The following FAT3 variants were observed in gnomAD, a reference collection of about 807,000 sequenced individuals.
The protein encoded by FAT3 is protocadherin Fat 3.
Under a neutral mutation model 310.2 loss-of-function variants are expected in FAT3, and 95 were observed. The observed-to-expected ratio is 0.31, with a 90% CI of 0.26 to 0.36. The LOEUF (loss-of-function observed/expected upper bound fraction) is 0.36, where lower values mean the gene tolerates loss of function less well. Among genes scored for constraint, FAT3 ranks in the 10% least tolerant of loss-of-function variants. The pLI is 1.00. For missense variants in FAT3, 5,408 were observed against 5,715.6 expected, an observed-to-expected ratio of 0.95 and a Z score of 1.74; for synonymous variants, 2,314 against 2,192.9, an observed-to-expected ratio of 1.06 and a Z score of -1.54.
chr11:92,500,718 G>T (rs1157672621), intron 2 of FAT3, among the ~76,000 whole-genome samples: 2 of 151,988 alleles, frequency 1.3e-5, no homozygotes, highest in African/African-American at 4.8e-5. Context: ...GCAGCAGAAT[G>T]TACAATCCTA....
At chr11:92,809,700 C>T in intron 12 of FAT3, 143 bp from the exon 13 acceptor site, 1 of 634,702 alleles carries the variant, frequency 1.6e-6, no homozygotes, top group South Asian at 2.2e-5. Context: ...GAATTTGCTA[C>T]ATTTTTAAAG....
At chr11:92,503,224 A>C (rs16917633) in intron 2 of FAT3, among the ~76,000 whole-genome samples, 6,547 of 152,242 alleles carry the variant, frequency 0.043, 169 homozygotes, top group East Asian at 0.084. Context: ...GATTTTGGAA[A>C]ATAATGTTTG....
chr11:92,829,587 A>G (rs1948188535), intron 13 of FAT3, among the ~76,000 whole-genome samples: 1 of 152,160 alleles, frequency 6.6e-6, no homozygotes, highest in Non-Finnish European at 1.5e-5. Flanking sequence ...TCAGGAATTC[A>G]TGTTGAAGAA....
At chr11:92,832,420 C>G (rs1258863748) in intron 14 of FAT3, among the ~76,000 whole-genome samples, 2 of 152,050 alleles carry the variant, frequency 1.3e-5, no homozygotes, top group Non-Finnish European at 2.9e-5. Flanking sequence ...TTGGTGGACT[C>G]TTTTTCCTCC....
In FAT3 at chr11:92,568,160, T is replaced by C. The variant is rs139570881; in HGVS notation, c.3607+43212T>C. 3.9e-3 allele frequency among the ~76,000 whole-genome samples: 589 copies of C among 152,248 alleles called. 4 individuals are homozygous for C. Among genetic ancestry groups the C allele is most frequent in the African/African-American group, 0.013 (552 of 41,546 alleles). On this transcript the variant is annotated intron_variant, in intron 3 of 27. Transcript: ENST00000525166. ...TATACCAAGGAACAAATCAATAAGG[T>C]GTCTGTCATTATGCAAATCAACCTG...
chr11:92,596,459 A>C (rs1216909042), intron 3 of FAT3, among the ~76,000 whole-genome samples: 1 of 152,066 alleles, frequency 6.6e-6, no homozygotes, highest in Non-Finnish European at 1.5e-5. Context: ...TCTCTTTCAG[A>C]TCAAGTGGCC....
At position 92,765,076 on chromosome 11, in the gene FAT3, G is replaced by T; in HGVS notation, c.4182G>T (p.Trp1394Cys). 6.2e-7 allele frequency: 1 copy of T among 1,612,282 alleles called. No individual in the cohort carries two copies. The highest frequency in any genetic ancestry group is 1.1e-5 in the South Asian group (1 of 90,974). The change falls in exon 6 of 28, where the codon TGG (tryptophan) becomes TGT (cysteine). Residue 1394 changes from tryptophan (W) to cysteine (C), a missense_variant. Coordinates refer to ENST00000525166, the MANE Select transcript of FAT3 (RefSeq NM_001367949.2). Reference sequence around the variant, plus strand: ...TGCAGCCAGCTAACACCCCTCTGTGGTTTGACATAGTTGGTAAGTTCGAGT... The same window carrying T: ...TGCAGCCAGCTAACACCCCTCTGTGTTTTGACATAGTTGGTAAGTTCGAGT... ...VSVQPANTPL[W>C]FDIVGGNFDS...
intron 3 of FAT3, among the ~76,000 whole-genome samples, chr11:92,565,348 A>G (rs988096481): frequency 7.4e-6 from 1 of 135,092 alleles, no homozygotes; most frequent in Non-Finnish European, 1.6e-5. Flanking sequence ...AAGAAGTTGC[A>G]TCTCTGAATA....
Position 92,353,215 on chromosome 11 carries a change from C to A in FAT3, c.1103C>A (p.Thr368Lys). 1.2e-6 allele frequency: 2 copies of A among 1,613,782 alleles called. No homozygotes were observed. Among genetic ancestry groups the A allele is most frequent in the Non-Finnish European group, 1.7e-6 (2 of 1,179,862 alleles). ...ALKAVYIGNPTRDTVPIRFEK... is the reference protein window; with the variant it reads ...ALKAVYIGNPKRDTVPIRFEK... The stretch of plus-strand genomic sequence containing the variant: ...AAGGCAGTCTACATTGGCAACCCCA[C>A]AAGAGACACTGTCCCCATTAGATTT... Residue 368 changes from threonine (T) to lysine (K), a missense_variant, in exon 2 of 28, where the codon ACA (threonine) becomes AAA (lysine). Physicochemically the swap from Thr to Lys is moderately conservative, Grantham distance 78. Coordinates refer to ENST00000525166, the MANE Select transcript of FAT3 (RefSeq NM_001367949.2).
intron 4 of FAT3, chr11:92,749,109 A>G (rs562808185): frequency 6.6e-6 from 1 of 152,168 alleles, no homozygotes; most frequent in Non-Finnish European, 1.5e-5. Context: ...CCTTTTTACT[A>G]TCTTGAAAGG....
intron 13 of FAT3, among the ~76,000 whole-genome samples, chr11:92,815,377 T>A: frequency 6.6e-6 from 1 of 151,852 alleles, no homozygotes; most frequent in Non-Finnish European, 1.5e-5. Flanking sequence ...ATCGAGACCA[T>A]CCTGGCTAAC....
chr11:92,405,395 C>T (rs1012209329), intron 2 of FAT3, among the ~76,000 whole-genome samples: 4 of 152,206 alleles, frequency 2.6e-5, no homozygotes, highest in Admixed American at 6.5e-5. Context: ...GTTTATTATT[C>T]AGCAAGAACT....
intron 4 of FAT3, among the ~76,000 whole-genome samples, chr11:92,713,339 C>T (rs1944582518): frequency 6.6e-6 from 1 of 152,146 alleles, no homozygotes; most frequent in South Asian, 2.1e-4. Context: ...TTTTAGCTAC[C>T]AACTTGGGAA....
intron 4 of FAT3, among the ~76,000 whole-genome samples, chr11:92,744,277 T>G (rs902368369): frequency 1.3e-5 from 2 of 152,230 alleles, no homozygotes; most frequent in African/African-American, 2.4e-5. Context: ...ATGATGAATG[T>G]GCACCTCTGC....
At chr11:92,753,888 A>T (rs60179683) in intron 4 of FAT3, among the ~76,000 whole-genome samples, 2,161 of 151,648 alleles carry the variant, frequency 0.014, 70 homozygotes, top group African/African-American at 0.05. Context: ...TTCTAAGTAA[A>T]GTAACTCAGG....
At chr11:92,640,394 C>G (rs1175728282) in intron 3 of FAT3, among the ~76,000 whole-genome samples, 1 of 152,154 alleles carries the variant, frequency 6.6e-6, no homozygotes, top group African/African-American at 2.4e-5. Flanking sequence ...CAGAGGAACT[C>G]TATGGATTTG....
intron 3 of FAT3, among the ~76,000 whole-genome samples, chr11:92,691,718 T>C (rs575518512): frequency 4.9e-4 from 74 of 152,244 alleles, no homozygotes; most frequent in African/African-American, 1.7e-3. Context: ...TAGTCATAAA[T>C]CACAAATTAA....
At chr11:92,887,140 G>A (rs1219321413) in intron 25 of FAT3, 27 bp downstream of exon 25, 7 of 1,576,600 alleles carry the variant, frequency 4.4e-6, no homozygotes, top group African/African-American at 1.3e-5. Flanking sequence ...TTTGTTCGGA[G>A]CGGGTGGGTT....
intron 2 of FAT3, among the ~76,000 whole-genome samples, chr11:92,407,040 G>C (rs1469873384): frequency 1.3e-5 from 2 of 152,150 alleles, no homozygotes; most frequent in Non-Finnish European, 2.9e-5. Flanking sequence ...GCTATGAGAG[G>C]CTAAACTTGT....
Sources: gnomAD v4.1 joint callset for allele counts (sites outside exome capture counted in the v4.1 genomes callset) on GRCh38, gnomAD v4.1.1 for gene constraint, MANE v1.5 for transcripts, NCBI Gene and HGNC (gene_info 2026-07-23, HGNC 2026-07-21) for gene names.